The following GATA6 variants were observed in gnomAD, a reference collection of about 807,000 sequenced individuals.
GATA6 encodes the protein transcription factor GATA-6.
In GATA6, 11 loss-of-function variants were observed where a neutral mutation model predicts 48.1. The ratio of observed to expected loss-of-function variants is 0.23; its 90% CI spans 0.14 to 0.38. GATA6 has a LOEUF of 0.38. Among genes scored for constraint, GATA6 ranks in the 10% least tolerant of loss-of-function variants. GATA6 has a pLI of 1.00. For missense variants in GATA6, 795 were observed against 850.3 expected, an observed-to-expected ratio of 0.93 and a Z score of 0.81; for synonymous variants, 419 against 396.1, an observed-to-expected ratio of 1.06 and a Z score of -0.69.
At chr18:22,189,714 A>C (rs900902864) in intron 6 of GATA6, among the ~76,000 whole-genome samples, 1 of 152,206 alleles carries the variant, frequency 6.6e-6, no homozygotes, top group East Asian at 1.9e-4. Context: ...TCGAGAGCCA[A>C]ACAGTGGTGG....
intron 3 of GATA6, among the ~76,000 whole-genome samples, chr18:22,179,341 T>C (rs544118370): frequency 6.6e-6 from 1 of 152,314 alleles, no homozygotes; most frequent in African/African-American, 2.4e-5. Flanking sequence ...TTGCAATACA[T>C]TGCAAAATAA....
intron 6 of GATA6, among the ~76,000 whole-genome samples, chr18:22,196,495 CT>C (rs2033391062): frequency 6.6e-6 from 1 of 152,176 alleles, no homozygotes; most frequent in African/African-American, 2.4e-5. Flanking sequence ...GATCCCAGCA[CT>C]TTGGGAGGCT....
chr18:22,180,459 T>G (rs1261909647), intron 3 of GATA6, among the ~76,000 whole-genome samples: 3 of 152,206 alleles, frequency 2.0e-5, no homozygotes, highest in Non-Finnish European at 4.4e-5. Flanking sequence ...GGTGGCCTTT[T>G]ACCTTTCCTG....
chr18:22,171,930 C>G lies in GATA6; in HGVS notation c.786C>G (p.Arg262=). 1 of 1,186,444 alleles carries G rather than the reference C, an allele frequency of 8.4e-7. No individual in the cohort carries two copies. Among genetic ancestry groups the G allele is most frequent in the Non-Finnish European group, 1.0e-6 (1 of 959,196 alleles). 73.5% of individuals were successfully genotyped at this position (1,186,444 alleles called of 1,614,324 possible). The change falls in exon 2 of 7, where the codon CGC becomes CGG. Residue 262 remains arginine (R), a synonymous_variant. Transcript: ENST00000269216. This position sits in a 1 kb window ranked among gnomAD's most constrained non-coding sequence, Gnocchi z 7.1. ...AGSAAAHVSA[R]FPYSPSPPMA... is the part of the protein sequence containing the mutation. ...CAGCCGCGGCGCACGTCTCGGCGCGCTTCCCCTACTCTCCCAGCCCGCCCA... is the reference window on the plus strand; with the variant it reads ...CAGCCGCGGCGCACGTCTCGGCGCGGTTCCCCTACTCTCCCAGCCCGCCCA...
chr18:22,200,016 G>C (rs2033437577), intron 6 of GATA6, among the ~76,000 whole-genome samples: 2 of 151,472 alleles, frequency 1.3e-5, no homozygotes, highest in Admixed American at 1.3e-4. Context: ...TTCTTGTAAA[G>C]AATTAAGGTA....
In GATA6 at chr18:22,171,497, T is replaced by C; in HGVS notation, c.353T>C (p.Leu118Pro). 2 of 1,602,184 alleles carry C rather than the reference T, an allele frequency of 1.2e-6. No individual in the cohort carries two copies. Among genetic ancestry groups the C allele is most frequent in the South Asian group, 2.2e-5 (2 of 91,034 alleles). Residue 118 changes from leucine (L) to proline (P), a missense_variant, in exon 2 of 7, where the codon CTC becomes CCC. This residue lies in a region of GATA6 where 591 missense variants were observed against 570.0 expected (regional missense o/e 1.04). Transcript: ENST00000269216. This position sits in a 1 kb window ranked among gnomAD's most constrained non-coding sequence, Gnocchi z 7.1. ...SWEDLLLFTD[L>P]DQAATASKLL... is the part of the protein sequence containing the mutation. ...GAGGACTTGCTGCTGTTCACTGACCTCGACCAAGCCGCGACCGCCAGCAAG... is the reference window on the plus strand; with the variant it reads ...GAGGACTTGCTGCTGTTCACTGACCCCGACCAAGCCGCGACCGCCAGCAAG...
intron 2 of GATA6, among the ~76,000 whole-genome samples, chr18:22,174,929 G>A (rs2033102077): frequency 6.6e-6 from 1 of 151,862 alleles, no homozygotes; most frequent in Non-Finnish European, 1.5e-5. Flanking sequence ...TATTTCCTGG[G>A]TCCTACACCC....
rs1313154608 is a variant in GATA6, at chr18:22,185,749, G to A, written c.1620+2706G>A. On this transcript the variant is annotated intron_variant, in intron 6 of 6. Coordinates refer to ENST00000269216, the MANE Select transcript of GATA6 (RefSeq NM_005257.6). The surrounding 1 kb of genome is among the most constrained non-coding windows in gnomAD (Gnocchi z 4.3). Reference sequence around the variant, plus strand: ...AGAATACCTGTAGTAGGCTTGAGTGGTGTCCCCAGGTTGTTTTCATGGCGT... The same window carrying A: ...AGAATACCTGTAGTAGGCTTGAGTGATGTCCCCAGGTTGTTTTCATGGCGT... Among the ~76,000 whole-genome samples the A allele has an allele frequency of 6.6e-6, 1 of 152,228 alleles. No homozygotes were observed. Among genetic ancestry groups the A allele is most frequent in the Non-Finnish European group, 1.5e-5 (1 of 68,040 alleles).
chr18:22,198,812 C>CT (rs1413819050), intron 6 of GATA6, among the ~76,000 whole-genome samples: 1 of 152,142 alleles, frequency 6.6e-6, no homozygotes, highest in African/African-American at 2.4e-5. Flanking sequence ...ATTATTTTAG[C>CT]TTTTTCAGAA....
chr18:22,194,854 C>T (rs2033371145), intron 6 of GATA6, among the ~76,000 whole-genome samples: 1 of 152,026 alleles, frequency 6.6e-6, no homozygotes, highest in African/African-American at 2.4e-5. Context: ...CAACTCTGAA[C>T]GCCTTCTACT....
intron 6 of GATA6, among the ~76,000 whole-genome samples, chr18:22,195,079 T>G (rs895845603): frequency 6.6e-6 from 1 of 152,110 alleles, no homozygotes; most frequent in Non-Finnish European, 1.5e-5. Context: ...GGCAGGAGAC[T>G]CACTTGAACT....
At chr18:22,196,058 G>A (rs2033385133) in intron 6 of GATA6, among the ~76,000 whole-genome samples, 2 of 152,200 alleles carry the variant, frequency 1.3e-5, no homozygotes, top group Admixed American at 1.3e-4. Context: ...CCAGAATTTA[G>A]CTCCGCCAGC....
chr18:22,176,880 G>A, intron 2 of GATA6, 75 bp from the exon 3 acceptor site: 1 of 1,465,886 alleles, frequency 6.8e-7, no homozygotes. Context: ...CTGGGGGCCG[G>A]GGTCCCCGGG....
In GATA6 at chr18:22,200,679, T is replaced by G; in HGVS notation, c.1644T>G (p.Gly548=). 1 of 1,614,212 alleles carries G rather than the reference T, an allele frequency of 6.2e-7. No homozygotes were observed. The highest frequency in any genetic ancestry group is 8.5e-7 in the Non-Finnish European group (1 of 1,180,038). Residue 548 remains glycine (G), a synonymous_variant, in exon 7 of 7, where the codon GGT becomes GGG. Coordinates refer to ENST00000269216, the MANE Select transcript of GATA6 (RefSeq NM_005257.6). ...ASGAGAPVMT[G]AGESTNPENS... ...AGGCGGGTGCCCCGGTGATGACTGGTGCGGGAGAGAGCACCAATCCCGAGA... is the reference window on the plus strand; with the variant it reads ...AGGCGGGTGCCCCGGTGATGACTGGGGCGGGAGAGAGCACCAATCCCGAGA...
Position 22,199,710 on chromosome 18 carries a change from C to T in GATA6, c.1621-946C>T, listed in dbSNP as rs9962259. Among the ~76,000 whole-genome samples, 1,319 of 152,108 alleles carry T rather than the reference C, an allele frequency of 8.7e-3. 15 individuals carry two copies. The highest frequency in any genetic ancestry group is 0.03 in the African/African-American group (1,244 of 41,518). Reference sequence around the variant, plus strand: ...CTGAGGTCAGGAGTTTGAGACCAGCCTGGCCAACATGGTGAAACCCCGTCT... The same window carrying T: ...CTGAGGTCAGGAGTTTGAGACCAGCTTGGCCAACATGGTGAAACCCCGTCT... On this transcript the variant is annotated intron_variant, in intron 6 of 6. Transcript: ENST00000269216.
chr18:22,176,986 G>C lies in GATA6; in HGVS notation c.1167G>C (p.Glu389Asp), dbSNP rs756478673. Residue 389 changes from glutamate (E) to aspartate (D), a missense_variant, in exon 3 of 7, where the codon GAG (glutamate) becomes GAC (aspartate). Around this residue, in one of 5 missense-constraint regions of GATA6, gnomAD observed 76 missense variants for 113.1 expected, o/e 0.67. Transcript: ENST00000269216. ...DLLEDLSESRECVNCGSIQTP... is the reference protein window; with the variant it reads ...DLLEDLSESRDCVNCGSIQTP... Reference sequence around the variant, plus strand: ...TGGAGGACCTGTCCGAGAGCCGCGAGTGCGTGAACTGCGGCTCCATCCAGA... The same window carrying C: ...TGGAGGACCTGTCCGAGAGCCGCGACTGCGTGAACTGCGGCTCCATCCAGA... The C allele has an allele frequency of 6.4e-7, 1 of 1,570,302 alleles. No individual in the cohort carries two copies. The highest frequency in any genetic ancestry group is 8.6e-7 in the Non-Finnish European group (1 of 1,160,180).
At chr18:22,177,426 G>A (rs867789560) in intron 3 of GATA6, among the ~76,000 whole-genome samples, 3 of 152,104 alleles carry the variant, frequency 2.0e-5, no homozygotes, top group Admixed American at 6.5e-5. Context: ...AAACAAAAAA[G>A]GAAGGTGCAA....
chr18:22,200,632 C>A, intron 6 of GATA6, 24 bp from the exon 7 acceptor site: 1 of 1,614,214 alleles, frequency 6.2e-7, no homozygotes, highest in South Asian at 1.1e-5. Context: ...CTCGTCTCTC[C>A]TCTGTGTCCC....
At chr18:22,189,577 G>A (rs2033303561) in intron 6 of GATA6, among the ~76,000 whole-genome samples, 1 of 152,186 alleles carries the variant, frequency 6.6e-6, no homozygotes, top group African/African-American at 2.4e-5. Flanking sequence ...CTTATGCTGT[G>A]CTTATACTGT....
Sources: allele counts gnomAD v4.1 joint callset (sites outside exome capture counted in the v4.1 genomes callset), GRCh38; gene constraint gnomAD v4.1.1; regional missense constraint gnomAD v4.1.1; non-coding constraint Gnocchi (gnomAD v3.1); transcripts MANE v1.5; gene names NCBI Gene and HGNC (gene_info 2026-07-23, HGNC 2026-07-21).